NCR3LG1: variants seen among roughly 807,000 people sequenced by gnomAD.
The protein encoded by NCR3LG1 is natural killer cell cytotoxicity receptor 3 ligand 1.
In NCR3LG1, 35 loss-of-function variants were observed where a neutral mutation model predicts 34.8. That is an observed-to-expected ratio of 1.01 (90% CI 0.77 to 1.33). NCR3LG1 has a LOEUF of 1.33. Ranked by LOEUF, NCR3LG1 falls within the 40% of genes most tolerant of loss-of-function variation. The pLI is 0.00. For missense variants in NCR3LG1, 452 were observed against 423.3 expected (o/e 1.07, Z -0.60); for synonymous variants, 173 against 163.6 (o/e 1.06, Z -0.44).
At chr11:17,378,318 GA>G (rs1953494009), downstream of NCR3LG1, among the ~76,000 whole-genome samples, 1 of 152,162 alleles carries the variant, frequency 6.6e-6, no homozygotes, top group South Asian at 2.1e-4. Context: ...GATTAAGAGA[GA>G]ATGCGGGCTC....
At chr11:17,360,752 TTTTC>T (rs1225667526) in intron 2 of NCR3LG1, among the ~76,000 whole-genome samples, 3 of 152,172 alleles carry the variant, frequency 2.0e-5, no homozygotes, top group African/African-American at 7.2e-5. Context: ...ATTCAGTTTC[TTTTC>T]TTTTTCTTTT....
chr11:17,378,036 T>C (rs189217808), downstream of NCR3LG1, among the ~76,000 whole-genome samples: 9 of 152,328 alleles, frequency 5.9e-5, no homozygotes, highest in African/African-American at 1.7e-4. Context: ...GGTTTGCTGG[T>C]ATTCCTCTCC....
chr11:17,380,417 C>T (rs1279546051), downstream of NCR3LG1, among the ~76,000 whole-genome samples: 3 of 152,144 alleles, frequency 2.0e-5, no homozygotes, highest in Non-Finnish European at 4.4e-5. Context: ...CTCTGAGCCA[C>T]TGGGATAGGC....
At chr11:17,354,896 G>A (rs1242050943) in intron 1 of NCR3LG1, among the ~76,000 whole-genome samples, 2 of 152,132 alleles carry the variant, frequency 1.3e-5, no homozygotes, top group African/African-American at 4.8e-5. Flanking sequence ...TGTGACTAAT[G>A]AAAGGACATG....
intron 2 of NCR3LG1, among the ~76,000 whole-genome samples, chr11:17,363,150 C>T (rs910463962): frequency 6.7e-6 from 1 of 150,324 alleles, no homozygotes; most frequent in African/African-American, 2.5e-5. Context: ...CTTGAACTCC[C>T]TCGGCTCAAG....
In NCR3LG1 at chr11:17,372,117, C is replaced by T. The variant is rs192390700; in HGVS notation, c.970C>T (p.Arg324Trp). ...AGAGCACCTCATATTCTTTTGCACTCGGGCATGGCCGTCTTACCAGCTGCA... is the reference window on the plus strand; with the variant it reads ...AGAGCACCTCATATTCTTTTGCACTTGGGCATGGCCGTCTTACCAGCTGCA... Reference protein sequence around the residue: ...KKEHLIFFCTRAWPSYQLQDG... With the variant: ...KKEHLIFFCTWAWPSYQLQDG... The change falls in exon 5 of 5, where the codon CGG (arginine) becomes TGG (tryptophan). Residue 324 changes from arginine (R) to tryptophan (W), a missense_variant. Arg to Trp is a moderately radical substitution (Grantham distance 101). Coordinates refer to ENST00000338965, the MANE Select transcript of NCR3LG1 (RefSeq NM_001202439.3). The T allele has an allele frequency of 9.1e-4, 643 of 703,012 alleles. 1 individual carries two copies. The highest frequency in any genetic ancestry group is 4.1e-3 in the African/African-American group (233 of 57,382). The allele number at this position is 703,012 out of a possible 1,614,324, so 43.5% of individuals were successfully genotyped here.
At chr11:17,353,743 C>T (rs1391226207) in intron 1 of NCR3LG1, among the ~76,000 whole-genome samples, 2 of 152,190 alleles carry the variant, frequency 1.3e-5, no homozygotes, top group African/African-American at 2.4e-5. Flanking sequence ...CTGGAGGAAG[C>T]TAGTTCCGGC....
At chr11:17,371,143 T>G (rs1408848929) in intron 4 of NCR3LG1, among the ~76,000 whole-genome samples, 1 of 146,988 alleles carries the variant, frequency 6.8e-6, no homozygotes, top group African/African-American at 2.7e-5. Context: ...AAGCATTCCC[T>G]CTATGAGACA....
intron 2 of NCR3LG1, among the ~76,000 whole-genome samples, chr11:17,360,325 C>T (rs1048457140): frequency 2.0e-5 from 3 of 152,230 alleles, no homozygotes; most frequent in African/African-American, 7.2e-5. Context: ...GATATTTTCT[C>T]ACAGTCTGTG....
In NCR3LG1 at chr11:17,351,869, C is replaced by T. The variant is rs984888100; in HGVS notation, c.-101C>T. 22 of 921,408 alleles carry T rather than the reference C, an allele frequency of 2.4e-5. No homozygotes were observed. Among genetic ancestry groups the T allele is most frequent in the Non-Finnish European group, 2.8e-5 (17 of 600,142 alleles). The allele number at this position is 921,408 out of a possible 1,614,324, so 57.1% of individuals were successfully genotyped here. On this transcript the variant is annotated 5_prime_UTR_variant, in exon 1 of 5. Coordinates refer to ENST00000338965, the MANE Select transcript of NCR3LG1 (RefSeq NM_001202439.3). ...CGGCTGGAAATCCCGGCTGTGTCTCCGTCAACTCTTTACGCAACAGAGGTC... is the reference window on the plus strand; with the variant it reads ...CGGCTGGAAATCCCGGCTGTGTCTCTGTCAACTCTTTACGCAACAGAGGTC...
chr11:17,352,035 C>G lies in NCR3LG1; in HGVS notation c.66C>G (p.Thr22=). Residue 22 remains threonine, a synonymous_variant, in exon 1 of 5, where the codon ACC becomes ACG. Coordinates refer to ENST00000338965, the MANE Select transcript of NCR3LG1 (RefSeq NM_001202439.3). ...ALLILLWALT[T]EGDLKVEMMA... The stretch of plus-strand genomic sequence containing the variant: ...TGATTCTGCTGTGGGCGCTGACGAC[C>G]GAAGGTAGGGGGCGGCTGGGGTGGG... 1 of 1,112,950 alleles carries G rather than the reference C, an allele frequency of 9.0e-7. No homozygotes were observed. Among genetic ancestry groups the G allele is most frequent in the Non-Finnish European group, 1.2e-6 (1 of 850,118 alleles). The allele number at this position is 1,112,950 out of a possible 1,614,324, so 68.9% of individuals were successfully genotyped here.
intron 1 of NCR3LG1, 49 bp from the exon 2 acceptor site, chr11:17,356,599 AAAG>A: frequency 7.6e-7 from 1 of 1,311,044 alleles, no homozygotes; most frequent in Non-Finnish European, 1.0e-6. Context: ...CACATCTCAA[AAAG>A]ATGTTCATAC....
rs1591690004 is a variant in NCR3LG1 at position 17,376,222 on chromosome 11, A to T, written c.*3710A>T. ...ATTCAATGTCTTTTGGTGTGGGTGC[A>T]TACCTTCATTAACTGGGTAGAGGCA... On this transcript the variant is annotated 3_prime_UTR_variant, in exon 5 of 5. Transcript: ENST00000338965. 1 of 152,210 alleles carries T rather than the reference A, an allele frequency of 6.6e-6. No individual in the cohort carries two copies. The allele number at this position is 152,210 out of a possible 1,614,324, so 9.4% of individuals were successfully genotyped here.
At chr11:17,362,734 TTCTTTCTTTCTTTCTTTC>T (rs1953289978) in intron 2 of NCR3LG1, among the ~76,000 whole-genome samples, 1 of 117,538 alleles carries the variant, frequency 8.5e-6, no homozygotes, top group Admixed American at 8.4e-5. Context: ...CTTTCTTTCT[TTCTTTCTTTCTTTCTTTC>T]TTTCTTTCTT....
intron 1 of NCR3LG1, among the ~76,000 whole-genome samples, chr11:17,355,642 C>G (rs1489206746): frequency 6.6e-6 from 1 of 152,094 alleles, no homozygotes; most frequent in East Asian, 1.9e-4. Context: ...ATTTATTTCT[C>G]ATGATTCTGG....
intron 1 of NCR3LG1, among the ~76,000 whole-genome samples, chr11:17,352,604 C>T (rs1345729409): frequency 2.0e-5 from 3 of 152,144 alleles, no homozygotes; most frequent in Non-Finnish European, 2.9e-5. Context: ...CCTTGGATGT[C>T]GCGCGTTTGG....
rs10832781 is a variant in NCR3LG1, at chr11:17,374,970, G to A, written c.*2458G>A. On this transcript the variant is annotated 3_prime_UTR_variant, in exon 5 of 5. Coordinates refer to ENST00000338965, the MANE Select transcript of NCR3LG1 (RefSeq NM_001202439.3). ...CAAGGCCCAGCTCAACAGCCAGTAG[G>A]TTACTTAAGTAGAGAGCTTGACTTG... 0.31 allele frequency: 46,965 copies of A among 152,120 alleles called. 7,969 individuals carry two copies. The highest frequency in any genetic ancestry group is 0.53 in the East Asian group (2,715 of 5,162). The allele number at this position is 152,120 out of a possible 1,614,324, so 9.4% of individuals were successfully genotyped here.
chr11:17,376,259 A>G lies in NCR3LG1; in HGVS notation c.*3747A>G, dbSNP rs1382372010. ...ACTGGGTAGAGGCATTCCCATGCCC[A>G]ACAGAAAAGGCCTCTGAGGTGGTGA... On this transcript the variant is annotated 3_prime_UTR_variant, in exon 5 of 5. Transcript: ENST00000338965. 1 of 152,212 alleles carries G rather than the reference A, an allele frequency of 6.6e-6. No homozygotes were observed. Among genetic ancestry groups the G allele is most frequent in the Non-Finnish European group, 1.5e-5 (1 of 68,042 alleles). The allele number at this position is 152,212 out of a possible 1,614,324, so 9.4% of individuals were successfully genotyped here.
chr11:17,368,756 A>T (rs1245220037), intron 3 of NCR3LG1, 111 bp from the exon 4 acceptor site: 1 of 734,828 alleles, frequency 1.4e-6, no homozygotes, highest in African/African-American at 1.8e-5. Context: ...CTGGTGGTTA[A>T]ATCTCTGACA....
Sources: allele counts gnomAD v4.1 joint callset (sites outside exome capture counted in the v4.1 genomes callset), GRCh38; gene constraint gnomAD v4.1.1; transcripts MANE v1.5; gene names NCBI Gene and HGNC (gene_info 2026-07-23, HGNC 2026-07-21).